The following SGCG variants were observed in gnomAD, a reference collection of about 807,000 sequenced individuals.
SGCG encodes gamma-sarcoglycan.
Under a neutral mutation model 29.3 loss-of-function variants are expected in SGCG, and 26 were observed. The ratio of observed to expected loss-of-function variants is 0.89; its 90% confidence interval spans 0.65 to 1.23. SGCG has a LOEUF of 1.23. Among genes scored for constraint, SGCG ranks in the 50% most tolerant of loss-of-function variants. The pLI is 0.00. For synonymous variants in SGCG, 145 were observed against 129.7 expected (o/e 1.12, Z -0.80); for missense variants, 353 against 356.0 (o/e 0.99, Z 0.07).
chr13:23,220,380 G>T (rs1878610401), intron 2 of SGCG, among the ~76,000 whole-genome samples: 1 of 152,174 alleles, frequency 6.6e-6, no homozygotes, highest in Non-Finnish European at 1.5e-5. Context: ...AGCCAGGGAG[G>T]AGGAGGTTGC....
chr13:23,284,962 C>T (rs947537904), intron 5 of SGCG, among the ~76,000 whole-genome samples: 1 of 152,218 alleles, frequency 6.6e-6, no homozygotes, highest in Non-Finnish European at 1.5e-5. Context: ...AAGACTGCTA[C>T]TTGTTCCTTC....
upstream of SGCG, among the ~76,000 whole-genome samples, chr13:23,180,233 A>G (rs1439535129): frequency 2.0e-5 from 3 of 152,212 alleles, no homozygotes; most frequent in Non-Finnish European, 4.4e-5. Flanking sequence ...GAAGTTCGAT[A>G]TTTATTCTGT....
intron 3 of SGCG, among the ~76,000 whole-genome samples, chr13:23,241,930 GAAGAA>G (rs763480644): frequency 6.6e-6 from 1 of 152,012 alleles, no homozygotes; most frequent in East Asian, 1.9e-4. Context: ...AAAGATGAGA[GAAGAA>G]ATCAACAAAA....
chr13:23,274,513 C>G (rs890149277), intron 4 of SGCG, among the ~76,000 whole-genome samples: 9 of 150,946 alleles, frequency 6.0e-5, no homozygotes, highest in Admixed American at 4.6e-4. Context: ...AGCTCCACCC[C>G]CCAGGTTGAC....
At chr13:23,321,242 T>G (rs1390035376) in intron 7 of SGCG, among the ~76,000 whole-genome samples, 1 of 152,054 alleles carries the variant, frequency 6.6e-6, no homozygotes, top group Non-Finnish European at 1.5e-5. Context: ...ACAATAAAGA[T>G]AAAATCTGGG....
upstream of SGCG, among the ~76,000 whole-genome samples, chr13:23,178,322 C>G (rs1593156185): frequency 6.6e-6 from 1 of 152,150 alleles, no homozygotes; most frequent in South Asian, 2.1e-4. Context: ...AAGTTAGTGA[C>G]TGGTAGACTG....
chr13:23,324,528 A>G lies in SGCG; in HGVS notation c.863A>G (p.His288Arg), dbSNP rs1883161933. Residue 288 changes from histidine to arginine, a missense_variant, in exon 8 of 8, where the codon CAC (histidine) becomes CGC (arginine). Transcript: ENST00000218867. ...AGCACCACGTGCCAGGAGCACAACC[A>G]CATCTGCCTCTGAGCTGCCTGCGTC... Reference protein sequence around the residue: ...GVSTTCQEHNHICL With the variant: ...GVSTTCQEHNRICL 6.2e-7 allele frequency: 1 copy of G among 1,611,244 alleles called. No homozygotes were observed. Among genetic ancestry groups the G allele is most frequent in the Non-Finnish European group, 8.5e-7 (1 of 1,179,874 alleles).
intron 4 of SGCG, among the ~76,000 whole-genome samples, chr13:23,265,412 A>G (rs1281126595): frequency 6.6e-6 from 1 of 152,094 alleles, no homozygotes; most frequent in Non-Finnish European, 1.5e-5. Flanking sequence ...CCCTGTTTCT[A>G]CTAAAAATAC....
intron 3 of SGCG, among the ~76,000 whole-genome samples, chr13:23,248,625 C>T (rs1490052531): frequency 6.8e-6 from 1 of 147,502 alleles, no homozygotes; most frequent in African/African-American, 2.5e-5. Context: ...ACCCGGGAGG[C>T]GGAGCTTCCG....
intron 6 of SGCG, 85 bp downstream of exon 6, chr13:23,295,572 TC>T: frequency 1.1e-6 from 1 of 903,256 alleles, no homozygotes; most frequent in Non-Finnish European, 1.9e-6. Flanking sequence ...AGTGACTACT[TC>T]CTGACTGTTT....
chr13:23,245,495 C>T (rs945129020), intron 3 of SGCG: 40 of 152,210 alleles, frequency 2.6e-4, no homozygotes, highest in African/African-American at 8.4e-4. Context: ...GTCTCTACTA[C>T]GGAGAAGGAC....
chr13:23,230,324 G>A (rs1189255759), intron 2 of SGCG, among the ~76,000 whole-genome samples: 1 of 152,170 alleles, frequency 6.6e-6, no homozygotes, highest in African/African-American at 2.4e-5. Flanking sequence ...TGTGAAGAAT[G>A]TCATTGGTAG....
Position 23,299,435 on chromosome 13 carries a change from TA to T in SGCG, c.578+3949del, listed in dbSNP as rs1882045066. Among the ~76,000 whole-genome samples, 177 of 20,174 alleles carry T rather than the reference TA, an allele frequency of 8.8e-3. 21 individuals carry two copies. The highest frequency in any genetic ancestry group is 0.021 in the African/African-American group (151 of 7,242). The allele number at this position is 20,174 out of a possible 152,430, so 13.2% of individuals were successfully genotyped here. ...ATATATATATATATATATATATATA[TA>T]TATATATATATATATATATATTTTT... On this transcript the variant is annotated intron_variant, in intron 6 of 7. Transcript: ENST00000218867.
intron 7 of SGCG, among the ~76,000 whole-genome samples, chr13:23,321,289 G>C (rs1566048330): frequency 6.6e-6 from 1 of 152,046 alleles, no homozygotes; most frequent in African/African-American, 2.4e-5. Flanking sequence ...CCCCTTTATT[G>C]ACAGGGGATT....
rs571670784 is a variant in SGCG at position 23,318,188 on chromosome 13, G to T, written c.579-2449G>T. ...ACTTAATAAACTCCCCTTCCTACTA[G>T]TTATGTCCTACTATAACTACTAGTT... On this transcript the variant is annotated intron_variant, in intron 6 of 7. Transcript: ENST00000218867. 2.6e-4 allele frequency among the ~76,000 whole-genome samples: 40 copies of T among 151,350 alleles called. No homozygotes were observed. In the South Asian group the frequency reaches 5.0e-3, roughly 19 times the overall value.
intron 6 of SGCG, among the ~76,000 whole-genome samples, chr13:23,310,676 A>AT (rs1448455212): frequency 6.7e-6 from 1 of 150,294 alleles, no homozygotes; most frequent in African/African-American, 2.4e-5. Flanking sequence ...TTTTCTTTTC[A>AT]TTTTTTCTCC....
At chr13:23,214,633 C>A (rs1215180211) in intron 2 of SGCG, among the ~76,000 whole-genome samples, 1 of 152,164 alleles carries the variant, frequency 6.6e-6, no homozygotes, top group Non-Finnish European at 1.5e-5. Context: ...CCCTGCTGTT[C>A]TCCTCCATCC....
intron 6 of SGCG, among the ~76,000 whole-genome samples, chr13:23,299,423 TATATATATATATATATATATATATATA>T (rs1566037332): frequency 5.9e-4 from 2 of 3,408 alleles, no homozygotes; most frequent in Non-Finnish European, 1.8e-3. Flanking sequence ...TATATATATA[TATATATATATATATATATATATATATA>T]TATATATTTT....
chr13:23,268,988 C>G (rs1424902309), intron 4 of SGCG: 1 of 151,150 alleles, frequency 6.6e-6, no homozygotes. Context: ...GAAAGAAAAC[C>G]AATATGAGTG....
Sources: gnomAD v4.1 joint callset for allele counts (sites outside exome capture counted in the v4.1 genomes callset) on GRCh38, gnomAD v4.1.1 for gene constraint, MANE v1.5 for transcripts, NCBI Gene and HGNC (gene_info 2026-07-23, HGNC 2026-07-21) for gene names.